Variants in PLG observed in about 807,000 individuals in gnomAD.
PLG encodes plasmin.
Under a neutral mutation model 104.4 loss-of-function variants are expected in PLG, and 41 were observed. The ratio of observed to expected loss-of-function variants is 0.39; its 90% CI spans 0.31 to 0.51. The LOEUF (loss-of-function observed/expected upper bound fraction) is 0.51. Among genes scored for constraint, PLG ranks in the 20% least tolerant of loss-of-function variants. The probability of loss-of-function intolerance (pLI) is 0.76; values close to 1 mark genes in which losing one functional copy is unlikely to be tolerated. For synonymous variants in PLG, 337 were observed against 357.1 expected, an observed-to-expected ratio of 0.94 and a Z score of 0.63; for missense variants, 891 against 1,003.6, an observed-to-expected ratio of 0.89 and a Z score of 1.52.
Position 160,749,383 on chromosome 6 carries a change from A to G in PLG, c.2126-2732A>G, listed in dbSNP as rs1220400685. 2.0e-5 allele frequency among the ~76,000 whole-genome samples: 3 copies of G among 151,626 alleles called. 1 individual carries two copies. Among genetic ancestry groups the G allele is most frequent in the Non-Finnish European group, 4.4e-5 (3 of 67,906 alleles). On this transcript the variant is annotated intron_variant, in intron 17 of 18. Coordinates refer to ENST00000308192, the MANE Select transcript of PLG (RefSeq NM_000301.5). Reference sequence around the variant, plus strand: ...CACCATTGTCACCCTCAACATCACCATCATCACTATCACCACCACCATCAT... The same window carrying G: ...CACCATTGTCACCCTCAACATCACCGTCATCACTATCACCACCACCATCAT...
chr6:160,713,689 T>C (rs1562373292), intron 5 of PLG, among the ~76,000 whole-genome samples: 1 of 152,184 alleles, frequency 6.6e-6, no homozygotes, highest in Non-Finnish European at 1.5e-5. Flanking sequence ...CCAAGACAGG[T>C]TTGCAATTAA....
intron 3 of PLG, chr6:160,708,471 C>T (rs1405139111): frequency 6.6e-6 from 1 of 152,518 alleles, no homozygotes; most frequent in African/African-American, 2.4e-5. Flanking sequence ...GCAAATGTTT[C>T]ATTAAGCATT....
rs368155641 is a variant in PLG at position 160,731,189 on chromosome 6, G to A, written c.1395G>A (p.Pro465=). ...SGTEASVVAP[P]PVVLLPDVET... is the part of the protein sequence containing the mutation. Reference sequence around the variant, plus strand: ...CAGAAGCGAGTGTTGTAGCACCTCCGCCTGTTGTCCTGCTTCCAGATGTAG... The same window carrying A: ...CAGAAGCGAGTGTTGTAGCACCTCCACCTGTTGTCCTGCTTCCAGATGTAG... Residue 465 remains proline, a synonymous_variant, in exon 11 of 19, where the codon CCG becomes CCA. Transcript: ENST00000308192. This position sits in a 1 kb window ranked among gnomAD's most constrained non-coding sequence, Gnocchi z 5.1. 1.2e-4 allele frequency: 190 copies of A among 1,614,116 alleles called. 3 individuals are homozygous for A. In the South Asian group the frequency reaches 1.9e-3, roughly 16 times the overall value.
intron 3 of PLG, among the ~76,000 whole-genome samples, chr6:160,710,043 G>A (rs183556483): frequency 6.6e-6 from 1 of 152,296 alleles, no homozygotes; most frequent in Admixed American, 6.5e-5. Flanking sequence ...CTATGCTCCA[G>A]TGCAACATCT....
In PLG at chr6:160,739,293, G is replaced by A. The variant is rs564285980; in HGVS notation, c.2018+85G>A. ...GTTTTATGGGCCATGGCCACTGCAT[G>A]GCAGTGGGGAGGAACTGTCTATCAC... On this transcript the variant is annotated intron_variant, in intron 16 of 18. Transcript: ENST00000308192. The surrounding 1 kb of genome is among the most constrained non-coding windows in gnomAD (Gnocchi z 4.4). 4.8e-4 allele frequency: 735 copies of A among 1,533,616 alleles called. 10 individuals are homozygous for A. In the South Asian group the frequency reaches 7.9e-3, roughly 16 times the overall value.
At chr6:160,742,228 A>G (rs1778208603) in intron 17 of PLG, among the ~76,000 whole-genome samples, 1 of 152,192 alleles carries the variant, frequency 6.6e-6, no homozygotes, top group East Asian at 1.9e-4. Flanking sequence ...CTCTTTGAGA[A>G]TCACCATACT....
At position 160,741,530 on chromosome 6, in the gene PLG, C is replaced by T; in HGVS notation, c.2125+113C>T. 2.6e-6 allele frequency: 2 copies of T among 772,254 alleles called. No homozygotes were observed. The highest frequency in any genetic ancestry group is 4.6e-6 in the Non-Finnish European group (2 of 436,316). The allele number at this position is 772,254 out of a possible 1,614,324, so 47.8% of individuals were successfully genotyped here. On this transcript the variant is annotated intron_variant, in intron 17 of 18. Coordinates refer to ENST00000308192, the MANE Select transcript of PLG (RefSeq NM_000301.5). This position sits in a 1 kb window ranked among gnomAD's most constrained non-coding sequence, Gnocchi z 4.7. Reference sequence around the variant, plus strand: ...AATTCCTATCCATGAATGTGGTCCACCCCACTCCTGATTTTGCCTGGGCAC... The same window carrying T: ...AATTCCTATCCATGAATGTGGTCCATCCCACTCCTGATTTTGCCTGGGCAC...
In PLG at chr6:160,741,874, CATCACTTAGCTCCCACTTATAACTGTGA is replaced by C; in HGVS notation, c.2125+459_2125+486del. On this transcript the variant is annotated intron_variant, in intron 17 of 18. Transcript: ENST00000308192. This position sits in a 1 kb window ranked among gnomAD's most constrained non-coding sequence, Gnocchi z 4.7. ...TCTCTTCTTTGTGTCCATGAGTTCTCATCACTTAGCTCCCACTTATAACTGTGAACATGTGGTATTTGGTTTTCTGTTC... is the reference window on the plus strand; with the variant it reads ...TCTCTTCTTTGTGTCCATGAGTTCTCACATGTGGTATTTGGTTTTCTGTTC... Among the ~76,000 whole-genome samples, 1 of 152,258 alleles carries C rather than the reference CATCACTTAGCTCCCACTTATAACTGTGA, an allele frequency of 6.6e-6. No homozygotes were observed. Among genetic ancestry groups the C allele is most frequent in the East Asian group, 1.9e-4 (1 of 5,174 alleles).
At chr6:160,702,394 T>C (rs760750157) in intron 1 of PLG, 41 bp downstream of exon 1, 18 of 1,473,300 alleles carry the variant, frequency 1.2e-5, no homozygotes, top group Non-Finnish European at 1.7e-5. Flanking sequence ...TTATTTTTTC[T>C]CCCACAATGT....
At chr6:160,730,470 C>T (rs1391786675) in intron 10 of PLG, among the ~76,000 whole-genome samples, 4 of 152,232 alleles carry the variant, frequency 2.6e-5, no homozygotes, top group Admixed American at 2.0e-4. Context: ...ACGGTATTGA[C>T]AGTAACACTA....
chr6:160,736,821 C>T lies in PLG; in HGVS notation c.1682-66C>T. The T allele has an allele frequency of 6.2e-7, 1 of 1,603,322 alleles. No homozygotes were observed. Among genetic ancestry groups the T allele is most frequent in the Non-Finnish European group, 8.5e-7 (1 of 1,171,678 alleles). On this transcript the variant is annotated intron_variant, in intron 13 of 18. Transcript: ENST00000308192. The surrounding 1 kb of genome is among the most constrained non-coding windows in gnomAD (Gnocchi z 5.2). ...CAAAAACTCAGTGCTTGGAATTTGT[C>T]TCGAATTACACCACAAAATTGCTAC...
At position 160,731,640 on chromosome 6, in the gene PLG, G is replaced by T; in HGVS notation, c.1439-105G>T. 9.2e-7 allele frequency: 1 copy of T among 1,082,538 alleles called. No homozygotes were observed. The highest frequency in any genetic ancestry group is 1.4e-6 in the Non-Finnish European group (1 of 700,320). The allele number at this position is 1,082,538 out of a possible 1,614,324, so 67.1% of individuals were successfully genotyped here. On this transcript the variant is annotated intron_variant, in intron 11 of 18. Coordinates refer to ENST00000308192, the MANE Select transcript of PLG (RefSeq NM_000301.5). The surrounding 1 kb of genome is among the most constrained non-coding windows in gnomAD (Gnocchi z 5.1). ...AGCATTGCAGTTTCTGAGGAATGTGGCCCCTGATTCTGTCATCCTAGAGAA... is the reference window on the plus strand; with the variant it reads ...AGCATTGCAGTTTCTGAGGAATGTGTCCCCTGATTCTGTCATCCTAGAGAA...
In PLG at chr6:160,734,857, T is replaced by A. The variant is rs1053498731; in HGVS notation, c.1681+769T>A. 6.6e-6 allele frequency among the ~76,000 whole-genome samples: 1 copy of A among 152,150 alleles called. No homozygotes were observed. The highest frequency in any genetic ancestry group is 2.4e-5 in the African/African-American group (1 of 41,428). On this transcript the variant is annotated intron_variant, in intron 13 of 18. Coordinates refer to ENST00000308192, the MANE Select transcript of PLG (RefSeq NM_000301.5). The surrounding 1 kb of genome is among the most constrained non-coding windows in gnomAD (Gnocchi z 4.4). Reference sequence around the variant, plus strand: ...AGAAAACCACCCTGGACTTCTCCTATGCATAATTTGGTTGCTTGTGGTTGG... The same window carrying A: ...AGAAAACCACCCTGGACTTCTCCTAAGCATAATTTGGTTGCTTGTGGTTGG...
chr6:160,717,600 G>A (rs1446795629), intron 7 of PLG, among the ~76,000 whole-genome samples: 1 of 151,998 alleles, frequency 6.6e-6, no homozygotes, highest in African/African-American at 2.4e-5. Context: ...TTTATGGCAT[G>A]TTGGGTGCCA....
At chr6:160,716,018 TGCAAGA>T (rs1777722940) in intron 6 of PLG, among the ~76,000 whole-genome samples, 2 of 152,224 alleles carry the variant, frequency 1.3e-5, no homozygotes, top group Non-Finnish European at 1.5e-5. Context: ...GTGAGACCCT[TGCAAGA>T]GCACAGCTTC....
chr6:160,739,838 G>A lies in PLG; in HGVS notation c.2018+630G>A, dbSNP rs1778159106. Among the ~76,000 whole-genome samples the A allele has an allele frequency of 2.0e-5, 3 of 150,682 alleles. No individual in the cohort carries two copies. In the South Asian group the frequency reaches 6.3e-4, roughly 32 times the overall value. ...CAATGTCAAAAAAATCACAAATACAGTTTATAAATGTAAATTATATTATTA... is the reference window on the plus strand; with the variant it reads ...CAATGTCAAAAAAATCACAAATACAATTTATAAATGTAAATTATATTATTA... On this transcript the variant is annotated intron_variant, in intron 16 of 18. Transcript: ENST00000308192. The surrounding 1 kb of genome is among the most constrained non-coding windows in gnomAD (Gnocchi z 4.4).
chr6:160,707,922 A>T, intron 3 of PLG, 116 bp downstream of exon 3: 1 of 914,122 alleles, frequency 1.1e-6, no homozygotes, highest in Non-Finnish European at 1.8e-6. Flanking sequence ...ATCGTGTTAT[A>T]AAACTGAATT....
chr6:160,721,825 C>A (rs1032273936), intron 9 of PLG, among the ~76,000 whole-genome samples: 2 of 152,190 alleles, frequency 1.3e-5, no homozygotes, highest in African/African-American at 2.4e-5. Context: ...GAGTAGTAGG[C>A]TTCTGCTTCA....
chr6:160,703,353 GA>G (rs1266598922), intron 1 of PLG, among the ~76,000 whole-genome samples: 1 of 151,376 alleles, frequency 6.6e-6, no homozygotes, highest in Non-Finnish European at 1.5e-5. Context: ...TCAAGATATT[GA>G]GAGTTGTGCA....
Sources: allele counts gnomAD v4.1 joint callset (sites outside exome capture counted in the v4.1 genomes callset), GRCh38; gene constraint gnomAD v4.1.1; non-coding constraint Gnocchi (gnomAD v3.1); transcripts MANE v1.5; gene names NCBI Gene and HGNC (gene_info 2026-07-23, HGNC 2026-07-21).